GRM5: variants seen among roughly 807,000 people sequenced by gnomAD.
GRM5 encodes glutamate metabotropic receptor 5, also known as metabotropic glutamate receptor 5.
Under a neutral mutation model 83.1 loss-of-function variants are expected in GRM5, and 19 were observed. The ratio of observed to expected loss-of-function variants is 0.23; its 90% confidence interval spans 0.16 to 0.34. The LOEUF (loss-of-function observed/expected upper bound fraction) is 0.34. Among genes scored for constraint, GRM5 ranks in the 10% least tolerant of loss-of-function variants. The pLI, the probability that GRM5 is intolerant of heterozygous loss-of-function variation, is 1.00. For synonymous variants in GRM5, 675 were observed against 633.6 expected, an observed-to-expected ratio of 1.07 and a Z score of -0.98; for missense variants, 1,160 against 1,588.3, an observed-to-expected ratio of 0.73 and a Z score of 4.58.
chr11:89,037,068 T>G (rs1941406495), intron 2 of GRM5, among the ~76,000 whole-genome samples: 1 of 152,110 alleles, frequency 6.6e-6, no homozygotes, highest in Non-Finnish European at 1.5e-5. Context: ...TTACACGTAG[T>G]GCACATGTGG....
chr11:88,713,342 C>T (rs1941323957), intron 3 of GRM5, among the ~76,000 whole-genome samples: 1 of 151,972 alleles, frequency 6.6e-6, no homozygotes, highest in Admixed American at 6.6e-5. Flanking sequence ...CTCCATACCT[C>T]CATTTCCATC....
intron 2 of GRM5, among the ~76,000 whole-genome samples, chr11:89,009,930 A>AAAAAAAAAAAAAAAAAAAAAAAAAAAC (rs1316250515): frequency 1.0e-5 from 1 of 100,122 alleles, no homozygotes; most frequent in African/African-American, 3.1e-5. Flanking sequence ...AAAAAAAAAA[A>AAAAAAAAAAAAAAAAAAAAAAAAAAAC]CACACACAAA....
At chr11:88,753,040 G>C (rs1255017746) in intron 3 of GRM5, among the ~76,000 whole-genome samples, 2 of 152,096 alleles carry the variant, frequency 1.3e-5, no homozygotes, top group Admixed American at 6.5e-5. Flanking sequence ...TCAGGACAGA[G>C]GCATGAGCAA....
chr11:88,540,571 C>A (rs1305629396), intron 8 of GRM5, among the ~76,000 whole-genome samples: 2 of 152,012 alleles, frequency 1.3e-5, no homozygotes, highest in Non-Finnish European at 2.9e-5. Flanking sequence ...AAGTCCTGGG[C>A]ATGCAATTAC....
chr11:88,567,111 T>C lies in GRM5; in HGVS notation c.2572A>G (p.Arg858Gly). Reference sequence around the variant, plus strand: ...CACAGGTTGACTAGGCTGCTGGATCTGCTGGCTGCGGAGGATGACTTGCCA... The same window carrying C: ...CACAGGTTGACTAGGCTGCTGGATCCGCTGGCTGCGGAGGATGACTTGCCA... Reference protein sequence around the residue: ...GDGKSSSAASRSSSLVNLWKR... With the variant: ...GDGKSSSAASGSSSLVNLWKR... Residue 858 changes from arginine to glycine, a missense_variant, in exon 8 of 10, where the codon AGA (arginine) becomes GGA (glycine). Arg to Gly is a moderately radical substitution (Grantham distance 125). Around this residue, in one of 9 missense-constraint regions of GRM5, gnomAD observed 562 missense variants for 532.4 expected, o/e 1.06. Transcript: ENST00000305447. This position sits in a 1 kb window ranked among gnomAD's most constrained non-coding sequence, Gnocchi z 7.3. The C allele has an allele frequency of 6.2e-7, 1 of 1,614,118 alleles. No individual in the cohort carries two copies. The highest frequency in any genetic ancestry group is 8.5e-7 in the Non-Finnish European group (1 of 1,179,970).
At chr11:88,951,389 G>A (rs186336778) in intron 2 of GRM5, among the ~76,000 whole-genome samples, 48 of 152,306 alleles carry the variant, frequency 3.2e-4, no homozygotes, top group Middle Eastern at 3.4e-3. Context: ...AAGAACTTTC[G>A]CATACCGGGA....
chr11:88,509,798 G>A (rs10830972), intron 9 of GRM5, among the ~76,000 whole-genome samples: 1 of 152,046 alleles, frequency 6.6e-6, no homozygotes, highest in East Asian at 1.9e-4. Context: ...GATTCTGCGG[G>A]AGTTCTGAGC....
intron 2 of GRM5, among the ~76,000 whole-genome samples, chr11:88,969,430 T>C (rs538315643): frequency 6.6e-6 from 1 of 152,212 alleles, no homozygotes; most frequent in East Asian, 1.9e-4. Flanking sequence ...GCATCAAATC[T>C]AATTTCCCCA....
chr11:88,983,462 C>G (rs1265290437), intron 2 of GRM5, among the ~76,000 whole-genome samples: 1 of 152,144 alleles, frequency 6.6e-6, no homozygotes. Context: ...TTCGTATTGC[C>G]TAGTGATGTC....
intron 1 of GRM5, chr11:89,063,658 G>C (rs1301184862): frequency 1.3e-5 from 2 of 152,334 alleles, no homozygotes; most frequent in Admixed American, 1.3e-4. Context: ...TGAGGGCGGC[G>C]TGTGCAGCAA....
intron 6 of GRM5, among the ~76,000 whole-genome samples, chr11:88,594,465 A>G (rs776148184): frequency 6.6e-6 from 1 of 152,212 alleles, no homozygotes; most frequent in Non-Finnish European, 1.5e-5. Flanking sequence ...TGGAGACTAT[A>G]TAAACAAATG....
chr11:88,546,089 ACCT>A (rs1942380736), intron 8 of GRM5, among the ~76,000 whole-genome samples: 1 of 151,444 alleles, frequency 6.6e-6, no homozygotes, highest in African/African-American at 2.4e-5. Context: ...TGGGATACAT[ACCT>A]CCACCTCCCA....
At chr11:88,570,571 A>ATTT (rs1194098388) in intron 7 of GRM5, among the ~76,000 whole-genome samples, 30 of 46,378 alleles carry the variant, frequency 6.5e-4, no homozygotes, top group East Asian at 1.7e-3. Context: ...ATATATATAT[A>ATTT]TTTTTTTTTT....
intron 2 of GRM5, among the ~76,000 whole-genome samples, chr11:88,871,000 C>T (rs1373775022): frequency 6.6e-6 from 1 of 151,486 alleles, no homozygotes; most frequent in African/African-American, 2.4e-5. Context: ...GATGTGACCA[C>T]TGTACATTAT....
intron 3 of GRM5, among the ~76,000 whole-genome samples, chr11:88,816,538 CAA>C (rs777360398): frequency 4.3e-5 from 3 of 69,916 alleles, no homozygotes; most frequent in African/African-American, 4.3e-5. Flanking sequence ...GACTCCATCT[CAA>C]AAAAAAAAAA....
intron 2 of GRM5, among the ~76,000 whole-genome samples, chr11:88,992,435 C>A (rs970331979): frequency 3.9e-5 from 6 of 152,072 alleles, no homozygotes; most frequent in African/African-American, 1.5e-4. Context: ...TAAACTAGTT[C>A]AACCATTGTG....
At chr11:88,799,327 A>G (rs573383322) in intron 3 of GRM5, among the ~76,000 whole-genome samples, 4 of 151,432 alleles carry the variant, frequency 2.6e-5, no homozygotes, top group Admixed American at 2.0e-4. Context: ...TAACATAGCA[A>G]TTTATCAACA....
Position 89,047,666 on chromosome 11 carries a change from C to T in GRM5, c.207G>A (p.Val69=). The stretch of plus-strand genomic sequence containing the variant: ...TTTCCAGGGTATGCAGCATGGCCTC[C>T]ACTCTCTGAATGCCATACTGTTCAC... The part of the protein sequence containing the change: ...AVREQYGIQR[V]EAMLHTLERI... The change falls in exon 2 of 10, where the codon GTG becomes GTA. Residue 69 remains valine (V), a synonymous_variant. Transcript: ENST00000305447. This position sits in a 1 kb window ranked among gnomAD's most constrained non-coding sequence, Gnocchi z 5.1. 2 of 1,614,030 alleles carry T rather than the reference C, an allele frequency of 1.2e-6. No homozygotes were observed. The highest frequency in any genetic ancestry group is 1.3e-5 in the African/African-American group (1 of 75,030).
intron 2 of GRM5, among the ~76,000 whole-genome samples, chr11:89,039,838 G>A (rs1941486841): frequency 6.6e-6 from 1 of 152,130 alleles, no homozygotes. Context: ...GTCTTGCCCT[G>A]TCACCCAGGC....
Sources: allele counts gnomAD v4.1 joint callset (sites outside exome capture counted in the v4.1 genomes callset), GRCh38; gene constraint gnomAD v4.1.1; regional missense constraint gnomAD v4.1.1; non-coding constraint Gnocchi (gnomAD v3.1); transcripts MANE v1.5; gene names NCBI Gene and HGNC (gene_info 2026-07-23, HGNC 2026-07-21).